Variants in TBC1D19 observed in about 807,000 individuals in gnomAD.
TBC1D19 encodes TBC1 domain family member 19, also known as TBC1 domain family, member 19.
In TBC1D19, 60 loss-of-function variants were observed where a neutral mutation model predicts 89.0. That is an observed-to-expected ratio of 0.67 (90% CI 0.55 to 0.84). TBC1D19 has a LOEUF of 0.84. Ranked by LOEUF, TBC1D19 falls within the 40% of genes least tolerant of loss-of-function variation. The pLI, the probability that TBC1D19 is intolerant of heterozygous loss-of-function variation, is 0.00. For synonymous variants in TBC1D19, 189 were observed against 199.7 expected, an observed-to-expected ratio of 0.95 and a Z score of 0.45; for missense variants, 500 against 610.8, an observed-to-expected ratio of 0.82 and a Z score of 1.91.
chr4:26,725,059 T>C (rs1268617964), intron 15 of TBC1D19, among the ~76,000 whole-genome samples: 1 of 152,136 alleles, frequency 6.6e-6, no homozygotes. Context: ...TTAGCTACTA[T>C]ATAGGTCAAA....
Position 26,638,081 on chromosome 4 carries a change from A to AG in TBC1D19, c.370-690_370-689insG, listed in dbSNP as rs1743242785. On this transcript the variant is annotated intron_variant, in intron 5 of 20. Coordinates refer to ENST00000264866, the MANE Select transcript of TBC1D19 (RefSeq NM_018317.4). ...GGAATTCTATTTAGATCTAATACTC[A>AG]ACATTTATGTTACTCTGGGCATTGA... 9.6e-3 allele frequency among the ~76,000 whole-genome samples: 1,451 copies of AG among 151,850 alleles called. 24 individuals carry two copies. Among genetic ancestry groups the AG allele is most frequent in the African/African-American group, 0.033 (1,356 of 41,162 alleles).
chr4:26,672,165 A>G lies in TBC1D19; in HGVS notation c.681A>G (p.Glu227=), dbSNP rs7691219. 1,239,957 of 1,246,166 alleles carry G rather than the reference A, an allele frequency of 1. 617,219 individuals carry two copies. Among genetic ancestry groups the G allele is most frequent in the East Asian group, 1 (19,600 of 19,600 alleles). The allele number at this position is 1,246,166 out of a possible 1,614,324, so 77.2% of individuals were successfully genotyped here. ...AATTTTTAGAACTTTTTGAAAATGA[A>G]CATGTACGTATTGGGCAAAAAGGTA... ...TQVPPELFEN[E]HVRIGQKVLA... Residue 227 remains glutamate, a synonymous_variant, in exon 10 of 21, where the codon GAA becomes GAG. Transcript: ENST00000264866.
chr4:26,825,659 C>A, the TBC1D19 span, among the ~76,000 whole-genome samples: 1 of 152,142 alleles, frequency 6.6e-6, no homozygotes, highest in African/African-American at 2.4e-5. Flanking sequence ...TGTGGTTATA[C>A]TAGTTAAGTA....
At chr4:26,628,932 G>A (rs1742615091) in intron 4 of TBC1D19, among the ~76,000 whole-genome samples, 1 of 151,876 alleles carries the variant, frequency 6.6e-6, no homozygotes, top group African/African-American at 2.4e-5. Context: ...TGGCCATACT[G>A]CCCAAGGTAA....
chr4:26,594,871 A>G (rs879801604), intron 1 of TBC1D19, among the ~76,000 whole-genome samples: 2 of 152,238 alleles, frequency 1.3e-5, no homozygotes, highest in Admixed American at 6.5e-5. Context: ...CTCCGTCTCA[A>G]AAACAACAAC....
At chr4:26,616,274 A>G (rs867617088) in intron 3 of TBC1D19, among the ~76,000 whole-genome samples, 2 of 152,158 alleles carry the variant, frequency 1.3e-5, no homozygotes, top group Admixed American at 6.5e-5. Flanking sequence ...GTCAAATAGC[A>G]TTGGATCAGG....
At chr4:26,645,224 T>C (rs1009102668) in intron 7 of TBC1D19, among the ~76,000 whole-genome samples, 10 of 152,136 alleles carry the variant, frequency 6.6e-5, no homozygotes, top group Non-Finnish European at 1.0e-4. Context: ...AGAACAAAGC[T>C]GGAGGCATCA....
the TBC1D19 span, among the ~76,000 whole-genome samples, chr4:26,856,142 C>T: frequency 6.6e-6 from 1 of 152,210 alleles, no homozygotes; most frequent in African/African-American, 2.4e-5. Context: ...CCCATTCACA[C>T]TTACCAGCCT....
intron 13 of TBC1D19, among the ~76,000 whole-genome samples, chr4:26,698,650 G>A (rs1189932887): frequency 6.6e-6 from 1 of 152,110 alleles, no homozygotes; most frequent in South Asian, 2.1e-4. Flanking sequence ...GCATGGTACT[G>A]CTACCAAAAC....
At chr4:26,842,583 CCTTTCTTTCTTTCTTTCTTTCTTTCTTT>C in the TBC1D19 span, among the ~76,000 whole-genome samples, 11 of 70,610 alleles carry the variant, frequency 1.6e-4, no homozygotes, top group African/African-American at 5.8e-4. Context: ...TTCCTCCCTC[CCTTTCTTTCTTTCTTTCTTTCTTTCTTT>C]CTTTCTTTCT....
At chr4:26,718,884 T>C (rs190137727) in intron 14 of TBC1D19, among the ~76,000 whole-genome samples, 15 of 152,230 alleles carry the variant, frequency 9.9e-5, no homozygotes, top group Admixed American at 3.3e-4. Context: ...GACCAGTTGA[T>C]ACTGTCCTAA....
chr4:26,791,462 G>A, the TBC1D19 span, among the ~76,000 whole-genome samples: 1 of 152,164 alleles, frequency 6.6e-6, no homozygotes, highest in Admixed American at 6.5e-5. Context: ...CCGAGCAGAG[G>A]CATGGCATGA....
the TBC1D19 span, among the ~76,000 whole-genome samples, chr4:26,842,340 C>CT: frequency 0.36 from 29,396 of 82,274 alleles, 6,516 homozygotes; most frequent in Middle Eastern, 0.54. Context: ...CTTTTCTTTT[C>CT]TTTTTTTTTT....
chr4:26,676,692 C>G (rs1712835715), intron 11 of TBC1D19, among the ~76,000 whole-genome samples: 1 of 149,986 alleles, frequency 6.7e-6, no homozygotes, highest in African/African-American at 2.5e-5. Flanking sequence ...GCACTCCAGC[C>G]TGGGCAGCAG....
the TBC1D19 span, among the ~76,000 whole-genome samples, chr4:26,796,528 C>T: frequency 4.4e-4 from 67 of 152,018 alleles, no homozygotes; most frequent in African/African-American, 1.6e-3. Context: ...ACAAAAGACT[C>T]AATGGGAAAA....
chr4:26,697,628 C>A (rs1047091414), intron 13 of TBC1D19, among the ~76,000 whole-genome samples: 1 of 152,172 alleles, frequency 6.6e-6, no homozygotes, highest in African/African-American at 2.4e-5. Context: ...ATACTGCAAA[C>A]CGAATCCAGC....
At chr4:26,668,625 T>C (rs981291971) in intron 9 of TBC1D19, among the ~76,000 whole-genome samples, 54 of 152,014 alleles carry the variant, frequency 3.6e-4, no homozygotes, top group African/African-American at 1.1e-3. Flanking sequence ...TTATTTTATA[T>C]TTTAGTCTGT....
intron 1 of TBC1D19, among the ~76,000 whole-genome samples, chr4:26,585,988 T>G (rs995726424): frequency 6.6e-6 from 1 of 152,164 alleles, no homozygotes; most frequent in Non-Finnish European, 1.5e-5. Context: ...TGATTTGTGC[T>G]TTTTGTTCCC....
chr4:26,816,762 T>C, the TBC1D19 span, among the ~76,000 whole-genome samples: 1 of 152,146 alleles, frequency 6.6e-6, no homozygotes, highest in African/African-American at 2.4e-5. Context: ...ACAATTACTT[T>C]TGCACAAACC....
Sources: gnomAD v4.1 joint callset for allele counts (sites outside exome capture counted in the v4.1 genomes callset) on GRCh38, gnomAD v4.1.1 for gene constraint, MANE v1.5 for transcripts, NCBI Gene and HGNC (gene_info 2026-07-23, HGNC 2026-07-21) for gene names.